VWF: variants seen among roughly 807,000 people sequenced by gnomAD.
The protein encoded by VWF is von Willebrand factor, also known as Factor VIII related antigen.
In VWF, 176 loss-of-function variants were observed where a neutral mutation model predicts 308.6. The ratio of observed to expected loss-of-function variants is 0.57; its 90% CI spans 0.50 to 0.65. The LOEUF (loss-of-function observed/expected upper bound fraction) is 0.65, where lower values mean the gene tolerates loss of function less well. VWF is among the 30% of genes least tolerant of loss of function. VWF has a pLI of 0.00. For synonymous variants in VWF, 1,385 were observed against 1,443.4 expected (o/e 0.96, Z 0.92); for missense variants, 3,146 against 3,648.2 (o/e 0.86, Z 3.55).
At chr12:5,972,764 AGG>A in intron 43 of VWF, among the ~76,000 whole-genome samples, 1 of 152,202 alleles carries the variant, frequency 6.6e-6, no homozygotes, top group Non-Finnish European at 1.5e-5. Flanking sequence ...ATGATGTACT[AGG>A]TACTACGGAG....
rs1944807830 is a variant in VWF, at chr12:6,073,760, G to A, written c.875-19C>T. On this transcript the variant is annotated intron_variant, in intron 7 of 51. Coordinates refer to ENST00000261405, the MANE Select transcript of VWF (RefSeq NM_000552.5). ...ACTGGGCCTGAAAAGGAACATCAAA[G>A]GGGTCTACCCAGGGCAGGTCCCACC... is the stretch of plus-strand genomic sequence containing the variant. The A allele has an allele frequency of 6.2e-7, 1 of 1,613,544 alleles. No individual in the cohort carries two copies. Among genetic ancestry groups the A allele is most frequent in the African/African-American group, 1.3e-5 (1 of 74,860 alleles).
intron 18 of VWF, among the ~76,000 whole-genome samples, chr12:6,038,442 G>A (rs545435049): frequency 3.3e-5 from 5 of 152,250 alleles, no homozygotes; most frequent in South Asian, 2.1e-4. Flanking sequence ...TGGGCAGGCC[G>A]GGCTGGGGGC....
At chr12:6,087,207 T>C (rs1401002821) in intron 6 of VWF, among the ~76,000 whole-genome samples, 1 of 152,008 alleles carries the variant, frequency 6.6e-6, no homozygotes, top group Non-Finnish European at 1.5e-5. Flanking sequence ...TCTCCAGTAT[T>C]CAGGGACACG....
At chr12:6,038,433 G>A (rs749385301) in intron 18 of VWF, among the ~76,000 whole-genome samples, 1 of 152,148 alleles carries the variant, frequency 6.6e-6, no homozygotes, top group Non-Finnish European at 1.5e-5. Context: ...CCTCACCCTT[G>A]GGCAGGCCGG....
chr12:5,963,588 G>C (rs901470725), intron 47 of VWF, among the ~76,000 whole-genome samples: 1 of 152,218 alleles, frequency 6.6e-6, no homozygotes, highest in Non-Finnish European at 1.5e-5. Flanking sequence ...TGTCTCTGCT[G>C]TTCTCTTGTA....
chr12:6,113,367 G>A (rs1043557086), intron 3 of VWF, among the ~76,000 whole-genome samples: 10 of 150,002 alleles, frequency 6.7e-5, no homozygotes, highest in East Asian at 5.9e-4. Context: ...GCGCGATCTC[G>A]GCTCACTGCA....
intron 38 of VWF, among the ~76,000 whole-genome samples, chr12:5,991,069 G>T (rs1336477553): frequency 6.7e-6 from 1 of 150,322 alleles, no homozygotes; most frequent in Non-Finnish European, 1.5e-5. Context: ...GTAACTTACT[G>T]AGCTCTTTAG....
intron 47 of VWF, among the ~76,000 whole-genome samples, chr12:5,963,138 G>A (rs922311114): frequency 7.2e-5 from 11 of 152,092 alleles, no homozygotes; most frequent in Non-Finnish European, 1.0e-4. Flanking sequence ...GAATTTTATC[G>A]AAATTAAACT....
intron 15 of VWF, among the ~76,000 whole-genome samples, chr12:6,053,929 A>G (rs1398761748): frequency 6.6e-6 from 1 of 152,216 alleles, no homozygotes; most frequent in Non-Finnish European, 1.5e-5. Context: ...TGGTGACAAA[A>G]TTCCTTATGG....
rs1424122226 is a variant in VWF at position 5,952,409 on chromosome 12, G to T, written c.8097C>A (p.His2699Gln). 6.2e-7 allele frequency: 1 copy of T among 1,614,076 alleles called. No homozygotes were observed. Among genetic ancestry groups the T allele is most frequent in the African/African-American group, 1.3e-5 (1 of 75,048 alleles). Residue 2699 changes from histidine (H) to glutamine (Q), a missense_variant, in exon 49 of 52, where the codon CAC (histidine) becomes CAA (glutamine). Transcript: ENST00000261405. Reference protein sequence around the residue: ...RVTGCPPFDEHKCLAEGGKIM... With the variant: ...RVTGCPPFDEQKCLAEGGKIM... ...TACTCACTCCCTCAGCCAGACACTT[G>T]TGTTCATCAAAGGGTGGGCAGCCTG... is the stretch of plus-strand genomic sequence containing the variant.
At chr12:6,043,550 AG>A (rs35399776) in intron 18 of VWF, among the ~76,000 whole-genome samples, 53,916 of 151,946 alleles carry the variant, frequency 0.35, 10,674 homozygotes, top group African/African-American at 0.52. Context: ...TGCATCCTTC[AG>A]GATGTATGCG....
At position 5,999,975 on chromosome 12, in the gene VWF, C is replaced by A. The variant is rs577981782; in HGVS notation, c.5843-3753G>T. On this transcript the variant is annotated intron_variant, in intron 34 of 51. Transcript: ENST00000261405. ...AGCATCAGAGAAAAGCAAAAAAAAA[C>A]CAATCAAGAGAATGAAAATGAGTTA... 8.6e-4 allele frequency among the ~76,000 whole-genome samples: 130 copies of A among 150,714 alleles called. 1 individual carries two copies. The highest frequency in any genetic ancestry group is 2.9e-3 in the African/African-American group (121 of 41,080).
chr12:6,070,593 C>T (rs1374892747), intron 10 of VWF, among the ~76,000 whole-genome samples: 1 of 152,208 alleles, frequency 6.6e-6, no homozygotes, highest in Non-Finnish European at 1.5e-5. Context: ...AGGTTGTAAC[C>T]GGAAAGTGTT....
chr12:6,027,257 C>T (rs978622482), intron 22 of VWF, among the ~76,000 whole-genome samples: 2 of 152,180 alleles, frequency 1.3e-5, no homozygotes, highest in Non-Finnish European at 2.9e-5. Flanking sequence ...GCTGCAGACA[C>T]CTACCACCTT....
At position 6,097,231 on chromosome 12, in the gene VWF, TC is replaced by T. The variant is rs560931891; in HGVS notation, c.533-1648del. On this transcript the variant is annotated intron_variant, in intron 5 of 51. Transcript: ENST00000261405. ...GAGGGTGGATCACGAGGTCAGGAGA[TC>T]AAGACCATCCTGGCCAAGATGGTGA... is the stretch of plus-strand genomic sequence containing the variant. Among the ~76,000 whole-genome samples the T allele has an allele frequency of 5.8e-4, 88 of 151,992 alleles. 1 individual carries two copies. In the South Asian group the frequency reaches 9.8e-3, roughly 17 times the overall value.
At position 6,029,443 on chromosome 12, in the gene VWF, C is replaced by T. The variant is rs1200616174; in HGVS notation, c.2866G>A (p.Val956Met). 6.2e-7 allele frequency: 1 copy of T among 1,614,178 alleles called. No individual in the cohort carries two copies. Reference sequence around the variant, plus strand: ...AGAATGATGTACCGGCCAGACTCCACCACCTCAAAGTGAGTCTCATCCTTC... The same window carrying T: ...AGAATGATGTACCGGCCAGACTCCATCACCTCAAAGTGAGTCTCATCCTTC... ...PMKDETHFEV[V>M]ESGRYIILLL... Residue 956 changes from valine to methionine, a missense_variant, in exon 22 of 52, where the codon GTG becomes ATG. Val to Met is a conservative substitution (Grantham distance 21, BLOSUM62 1). Coordinates refer to ENST00000261405, the MANE Select transcript of VWF (RefSeq NM_000552.5).
chr12:6,033,242 T>C (rs1944292787), intron 20 of VWF, among the ~76,000 whole-genome samples: 1 of 152,128 alleles, frequency 6.6e-6, no homozygotes, highest in African/African-American at 2.4e-5. Context: ...AAGAGGGAGT[T>C]AGGTCTTGAT....
chr12:6,006,056 A>G (rs1943922616), intron 34 of VWF, among the ~76,000 whole-genome samples: 1 of 152,246 alleles, frequency 6.6e-6, no homozygotes, highest in African/African-American at 2.4e-5. Context: ...CACTATAAAA[A>G]TCAGTTAATG....
intron 47 of VWF, among the ~76,000 whole-genome samples, chr12:5,961,544 G>T (rs1943315794): frequency 6.7e-6 from 1 of 148,766 alleles, no homozygotes. Flanking sequence ...TTATTTGAAG[G>T]TGTCATAACT....
Sources: gnomAD v4.1 joint callset for allele counts (sites outside exome capture counted in the v4.1 genomes callset) on GRCh38, gnomAD v4.1.1 for gene constraint, MANE v1.5 for transcripts, NCBI Gene and HGNC (gene_info 2026-07-23, HGNC 2026-07-21) for gene names.